The following FHIP2A variants were observed in gnomAD, a reference collection of about 807,000 sequenced individuals.
The protein encoded by FHIP2A is FHF complex subunit HOOK interacting protein 2A.
FHIP2A carries 46 observed loss-of-function variants against 93.5 expected under a neutral mutation model. The ratio of observed to expected loss-of-function variants is 0.49; its 90% confidence interval spans 0.39 to 0.63. The LOEUF (loss-of-function observed/expected upper bound fraction) is 0.63, where lower values mean the gene tolerates loss of function less well. Ranked by LOEUF, FHIP2A falls within the 20% of genes least tolerant of loss-of-function variation. The pLI, the probability that FHIP2A is intolerant of heterozygous loss-of-function variation, is 0.00. For synonymous variants in FHIP2A, 332 were observed against 326.5 expected (o/e 1.02, Z -0.18); for missense variants, 769 against 909.7 (o/e 0.85, Z 1.99).
At chr10:114,839,138 C>CT (rs200881743) in intron 5 of FHIP2A, among the ~76,000 whole-genome samples, 120 of 150,972 alleles carry the variant, frequency 7.9e-4, no homozygotes, top group East Asian at 1.4e-3. Context: ...TTTGTTTTTC[C>CT]TTTTTTTTTG....
chr10:114,890,673 C>CATATAT (rs2083967497), intron 16 of FHIP2A, among the ~76,000 whole-genome samples: 3 of 143,292 alleles, frequency 2.1e-5, no homozygotes, highest in Non-Finnish European at 3.0e-5. Flanking sequence ...AAATATATAC[C>CATATAT]GTATATGACA....
intron 16 of FHIP2A, among the ~76,000 whole-genome samples, chr10:114,897,260 A>G (rs746092362): frequency 1.3e-5 from 2 of 152,134 alleles, no homozygotes; most frequent in African/African-American, 2.4e-5. Flanking sequence ...TTGCTAGCCA[A>G]TTGGGACAAA....
chr10:114,889,386 C>T (rs2083959398), intron 16 of FHIP2A, among the ~76,000 whole-genome samples: 1 of 152,216 alleles, frequency 6.6e-6, no homozygotes, highest in Non-Finnish European at 1.5e-5. Flanking sequence ...GACTAGGAGA[C>T]ATGAGACAGG....
At chr10:114,845,320 ATGCTTTTG>A in intron 7 of FHIP2A, 39 bp from the exon 8 acceptor site, 1 of 1,084,960 alleles carries the variant, frequency 9.2e-7, no homozygotes, top group Non-Finnish European at 1.4e-6. Flanking sequence ...AATAGGGTCC[ATGCTTTTG>A]GATAACTTTG....
At chr10:114,851,714 C>CCAAA (rs774825413) in intron 13 of FHIP2A, among the ~76,000 whole-genome samples, 7 of 81,944 alleles carry the variant, frequency 8.5e-5, no homozygotes, top group African/African-American at 3.4e-4. Flanking sequence ...TCCATTTCTG[C>CCAAA]AAAAAAAAAA....
At chr10:114,822,475 G>A (rs2143008888) in intron 1 of FHIP2A, among the ~76,000 whole-genome samples, 1 of 152,318 alleles carries the variant, frequency 6.6e-6, no homozygotes, top group African/African-American at 2.4e-5. Flanking sequence ...GCACCTGGCG[G>A]GGTCGCAGAG....
Position 114,833,358 on chromosome 10 carries a change from C to T in FHIP2A, c.250C>T (p.His84Tyr), listed in dbSNP as rs751264953. The T allele has an allele frequency of 1.2e-6, 2 of 1,613,970 alleles. No homozygotes were observed. Among genetic ancestry groups the T allele is most frequent in the Non-Finnish European group, 8.5e-7 (1 of 1,179,942 alleles). Residue 84 changes from histidine (H) to tyrosine (Y), a missense_variant, in exon 3 of 17, where the codon CAT (histidine) becomes TAT (tyrosine). Physicochemically the swap from His to Tyr is moderately conservative, Grantham distance 83. Coordinates refer to ENST00000369248, the MANE Select transcript of FHIP2A (RefSeq NM_020940.4). ...AGGGCCATGTATGGAATATTTGCTT[C>T]ATCACAAGATCTTGGAAACATTATA... ...ETGPCMEYLL[H>Y]HKILETLYTL...
chr10:114,868,696 A>AT (rs1303386102), downstream of FHIP2A, among the ~76,000 whole-genome samples: 3 of 152,166 alleles, frequency 2.0e-5, no homozygotes, highest in Non-Finnish European at 4.4e-5. Context: ...CTTTGCTCTT[A>AT]TATCAGAGGG....
Position 114,848,756 on chromosome 10 carries a change from T to C in FHIP2A, c.1803+19T>C. 3 of 1,538,806 alleles carry C rather than the reference T, an allele frequency of 1.9e-6. No homozygotes were observed. Among genetic ancestry groups the C allele is most frequent in the Non-Finnish European group, 2.7e-6 (3 of 1,113,580 alleles). ...TAGGCAGGTAGGTGAAGTCACTAAATGTTGGAAATGAAATCTAAGAATAGA... is the reference window on the plus strand; with the variant it reads ...TAGGCAGGTAGGTGAAGTCACTAAACGTTGGAAATGAAATCTAAGAATAGA... On this transcript the variant is annotated intron_variant, in intron 13 of 16. Coordinates refer to ENST00000369248, the MANE Select transcript of FHIP2A (RefSeq NM_020940.4).
chr10:114,874,808 T>G (rs2083876342), intron 16 of FHIP2A, among the ~76,000 whole-genome samples: 1 of 151,962 alleles, frequency 6.6e-6, no homozygotes, highest in African/African-American at 2.4e-5. Context: ...CCGGCCGGAA[T>G]TTTTTCATTT....
chr10:114,893,533 T>C (rs1488473978), intron 16 of FHIP2A, among the ~76,000 whole-genome samples: 1 of 152,218 alleles, frequency 6.6e-6, no homozygotes, highest in Non-Finnish European at 1.5e-5. Flanking sequence ...GTCAATCTAC[T>C]TATATCCCTG....
At chr10:114,871,015 T>A (rs562844367) in intron 16 of FHIP2A, among the ~76,000 whole-genome samples, 1 of 133,034 alleles carries the variant, frequency 7.5e-6, no homozygotes, top group South Asian at 2.6e-4. Context: ...GATTTTAGCC[T>A]CCACATATAT....
intron 16 of FHIP2A, among the ~76,000 whole-genome samples, chr10:114,870,384 T>A (rs999714203): frequency 5.6e-5 from 4 of 71,548 alleles, no homozygotes; most frequent in Admixed American, 2.4e-4. Context: ...TTAAATAAAA[T>A]ATATATATAT....
chr10:114,870,178 A>G (rs2083850128), intron 16 of FHIP2A, among the ~76,000 whole-genome samples: 2 of 152,294 alleles, frequency 1.3e-5, no homozygotes. Flanking sequence ...CAATCATTCA[A>G]CTAATACCAT....
intron 16 of FHIP2A, among the ~76,000 whole-genome samples, chr10:114,881,421 T>A (rs2083916562): frequency 6.6e-6 from 1 of 152,102 alleles, no homozygotes. Context: ...CGGCACCCTA[T>A]GAGGCAGACA....
intron 15 of FHIP2A, 96 bp from the exon 16 acceptor site, chr10:114,861,135 A>T: frequency 6.7e-7 from 1 of 1,497,052 alleles, no homozygotes. Flanking sequence ...TACGTTCTTT[A>T]TTAAATAGTA....
intron 1 of FHIP2A, among the ~76,000 whole-genome samples, chr10:114,823,722 C>T (rs1000722900): frequency 4.0e-5 from 6 of 151,056 alleles, no homozygotes; most frequent in Non-Finnish European, 8.8e-5. Flanking sequence ...TGCTCTCGAA[C>T]TCCTGACCTC....
At chr10:114,833,460 G>T in intron 3 of FHIP2A, 58 bp downstream of exon 3, 1 of 1,441,428 alleles carries the variant, frequency 6.9e-7, no homozygotes, top group East Asian at 2.3e-5. Flanking sequence ...AATGTCTTAC[G>T]AATAAAGAAG....
chr10:114,865,888 G>C (rs1460770459), downstream of FHIP2A, among the ~76,000 whole-genome samples: 1 of 151,960 alleles, frequency 6.6e-6, no homozygotes, highest in Non-Finnish European at 1.5e-5. Context: ...AAGAAATGGA[G>C]TGTTTTATAG....
Sources: gnomAD v4.1 joint callset for allele counts (sites outside exome capture counted in the v4.1 genomes callset) on GRCh38, gnomAD v4.1.1 for gene constraint, MANE v1.5 for transcripts, NCBI Gene and HGNC (gene_info 2026-07-23, HGNC 2026-07-21) for gene names.